Variants in ROBO2 observed in about 807,000 individuals in gnomAD.
ROBO2 encodes the protein roundabout guidance receptor 2.
In ROBO2, 53 loss-of-function variants were observed where a neutral mutation model predicts 160.8. The observed-to-expected ratio is 0.33, with a 90% CI of 0.26 to 0.41. The LOEUF is 0.41. ROBO2 is among the 10% of genes least tolerant of loss of function. The probability of loss-of-function intolerance (pLI) is 1.00; values close to 1 mark genes in which losing one functional copy is unlikely to be tolerated. For synonymous variants in ROBO2, 664 were observed against 611.7 expected, an observed-to-expected ratio of 1.09 and a Z score of -1.26; for missense variants, 1,577 against 1,722.4, an observed-to-expected ratio of 0.92 and a Z score of 1.49.
chr3:76,002,282 TA>T (rs2065909081), intron 2 of ROBO2, among the ~76,000 whole-genome samples: 1 of 152,128 alleles, frequency 6.6e-6, no homozygotes, highest in Non-Finnish European at 1.5e-5. Flanking sequence ...GATGTGAAGA[TA>T]CAGGAAGAAT....
intron 2 of ROBO2, among the ~76,000 whole-genome samples, chr3:77,132,077 C>A (rs1002178303): frequency 6.6e-6 from 1 of 151,822 alleles, no homozygotes; most frequent in East Asian, 1.9e-4. Context: ...TAGAATAGGA[C>A]CTAATATATT....
intron 2 of ROBO2, among the ~76,000 whole-genome samples, chr3:76,228,073 A>C (rs1177207069): frequency 6.6e-6 from 1 of 152,220 alleles, no homozygotes; most frequent in Non-Finnish European, 1.5e-5. Context: ...AGAATTTTAT[A>C]GTATACCCTA....
intron 2 of ROBO2, among the ~76,000 whole-genome samples, chr3:76,852,879 A>G (rs2069561796): frequency 1.3e-5 from 2 of 152,160 alleles, no homozygotes; most frequent in Admixed American, 6.5e-5. Flanking sequence ...TAAAAAATCT[A>G]TATCTGCATA....
intron 2 of ROBO2, among the ~76,000 whole-genome samples, chr3:76,809,933 G>A (rs1311048159): frequency 6.6e-6 from 1 of 151,862 alleles, no homozygotes; most frequent in Non-Finnish European, 1.5e-5. Context: ...AAAAAAACTA[G>A]AATATGGAAA....
intron 2 of ROBO2, among the ~76,000 whole-genome samples, chr3:76,197,480 A>G (rs1164237014): frequency 6.6e-6 from 1 of 152,138 alleles, no homozygotes; most frequent in Non-Finnish European, 1.5e-5. Context: ...ATCTCTCTAT[A>G]GATTTGGATC....
chr3:76,552,649 T>C (rs2083484504), intron 2 of ROBO2, among the ~76,000 whole-genome samples: 1 of 152,188 alleles, frequency 6.6e-6, no homozygotes, highest in Non-Finnish European at 1.5e-5. Context: ...ACAATTATAG[T>C]GTAGTGTGGA....
intron 2 of ROBO2, among the ~76,000 whole-genome samples, chr3:76,571,932 A>G (rs964037778): frequency 6.6e-6 from 1 of 152,280 alleles, no homozygotes; most frequent in Non-Finnish European, 1.5e-5. Context: ...ACTTGAGCCC[A>G]AGAGCTCAAG....
intron 2 of ROBO2, among the ~76,000 whole-genome samples, chr3:77,162,992 G>T (rs914599299): frequency 8.5e-6 from 1 of 117,734 alleles, no homozygotes; most frequent in Non-Finnish European, 2.0e-5. Flanking sequence ...ACCATGCCCA[G>T]CTAATTTTTT....
chr3:76,066,334 A>G (rs1283805244), intron 2 of ROBO2, among the ~76,000 whole-genome samples: 2 of 152,140 alleles, frequency 1.3e-5, no homozygotes, highest in Non-Finnish European at 2.9e-5. Context: ...ACACCAATTT[A>G]TAACTTAGAA....
intron 2 of ROBO2, among the ~76,000 whole-genome samples, chr3:76,970,288 G>A (rs1185607106): frequency 1.3e-5 from 2 of 152,110 alleles, no homozygotes; most frequent in East Asian, 3.9e-4. Context: ...CGGGAAAGGA[G>A]ATTTTAAGTA....
intron 2 of ROBO2, among the ~76,000 whole-genome samples, chr3:76,610,718 T>C (rs191703455): frequency 2.6e-3 from 388 of 149,494 alleles, no homozygotes; most frequent in Non-Finnish European, 3.8e-3. Context: ...ACAGCTCTCT[T>C]TCTCCTGTGG....
chr3:77,186,041 A>G (rs2081255273), intron 2 of ROBO2, among the ~76,000 whole-genome samples: 1 of 151,966 alleles, frequency 6.6e-6, no homozygotes, highest in African/African-American at 2.4e-5. Context: ...AAGGATGGAA[A>G]GGGGATGAAG....
intron 1 of ROBO2, among the ~76,000 whole-genome samples, chr3:77,061,465 G>C (rs1323571939): frequency 6.6e-6 from 1 of 151,930 alleles, no homozygotes; most frequent in African/African-American, 2.4e-5. Context: ...TTACAAAAAG[G>C]GCAGCAAGGG....
At chr3:76,769,922 T>C (rs909232309) in intron 2 of ROBO2, among the ~76,000 whole-genome samples, 1 of 151,500 alleles carries the variant, frequency 6.6e-6, no homozygotes, top group Middle Eastern at 3.2e-3. Flanking sequence ...TCTGCATTCC[T>C]GCAGTCTCTC....
intron 2 of ROBO2, among the ~76,000 whole-genome samples, chr3:76,255,009 A>G (rs1021182838): frequency 2.0e-5 from 3 of 152,086 alleles, no homozygotes; most frequent in African/African-American, 7.2e-5. Flanking sequence ...AAGCAAGATA[A>G]ATGGAAAGTT....
At chr3:76,774,675 A>C (rs148166932) in intron 2 of ROBO2, among the ~76,000 whole-genome samples, 142 of 150,884 alleles carry the variant, frequency 9.4e-4, no homozygotes, top group Middle Eastern at 3.4e-3. Flanking sequence ...AGCACCCTCT[A>C]TATAGTTTAT....
At chr3:77,313,579 G>A (rs139833477) in intron 2 of ROBO2, among the ~76,000 whole-genome samples, 2 of 151,794 alleles carry the variant, frequency 1.3e-5, no homozygotes, top group African/African-American at 4.8e-5. Context: ...GCTTTGTTTT[G>A]TGTTTTTTGG....
At chr3:76,154,331 G>T (rs2072321447) in intron 2 of ROBO2, among the ~76,000 whole-genome samples, 1 of 152,044 alleles carries the variant, frequency 6.6e-6, no homozygotes, top group South Asian at 2.1e-4. Flanking sequence ...ATATATTTGT[G>T]CAGCCATGAA....
chr3:76,580,965 A>G (rs948584256), intron 2 of ROBO2, among the ~76,000 whole-genome samples: 5 of 152,200 alleles, frequency 3.3e-5, no homozygotes, highest in Non-Finnish European at 5.9e-5. Flanking sequence ...GCAGAACAGT[A>G]GTTCTGATGA....
Sources: gnomAD v4.1 joint callset for allele counts (sites outside exome capture counted in the v4.1 genomes callset) on GRCh38, gnomAD v4.1.1 for gene constraint, MANE v1.5 for transcripts, NCBI Gene and HGNC (gene_info 2026-07-23, HGNC 2026-07-21) for gene names.